MROH9: variants seen among roughly 807,000 people sequenced by gnomAD.
MROH9 encodes maestro heat-like repeat-containing protein family member 9.
Under a neutral mutation model 98.2 loss-of-function variants are expected in MROH9, and 92 were observed. The ratio of observed to expected loss-of-function variants is 0.94; its 90% CI spans 0.79 to 1.11. MROH9 has a LOEUF of 1.11. Ranked by LOEUF, MROH9 falls within the 50% of genes most tolerant of loss-of-function variation. The probability of loss-of-function intolerance (pLI) is 0.00; values close to 1 mark genes in which losing one functional copy is unlikely to be tolerated. For missense variants in MROH9, 1,057 were observed against 1,014.8 expected, an observed-to-expected ratio of 1.04 and a Z score of -0.57; for synonymous variants, 397 against 368.9, an observed-to-expected ratio of 1.08 and a Z score of -0.87.
At chr1:171,035,814 G>T (rs1358950267) in intron 20 of MROH9, among the ~76,000 whole-genome samples, 1 of 152,126 alleles carries the variant, frequency 6.6e-6, no homozygotes, top group Non-Finnish European at 1.5e-5. Flanking sequence ...GTTATATGCT[G>T]TTGGCGGAGA....
intron 12 of MROH9, among the ~76,000 whole-genome samples, chr1:170,992,861 G>GGCTA (rs1358978833): frequency 2.0e-5 from 3 of 152,134 alleles, no homozygotes; most frequent in African/African-American, 7.2e-5. Context: ...AGTAACCACT[G>GGCTA]GCTAGATCAT....
intron 1 of MROH9, among the ~76,000 whole-genome samples, chr1:170,944,127 C>T (rs920357276): frequency 6.6e-6 from 1 of 151,846 alleles, no homozygotes; most frequent in Non-Finnish European, 1.5e-5. Flanking sequence ...AAAGGTTTCA[C>T]TAATAAATCA....
chr1:170,939,183 C>T (rs1040991974), intron 1 of MROH9, among the ~76,000 whole-genome samples: 2 of 152,236 alleles, frequency 1.3e-5, no homozygotes, highest in Non-Finnish European at 2.9e-5. Context: ...CAAATTTCTT[C>T]ATCAATTTTC....
chr1:170,983,578 A>G (rs1199631011), intron 9 of MROH9, 44 bp downstream of exon 9: 3 of 1,106,216 alleles, frequency 2.7e-6, no homozygotes, highest in South Asian at 1.3e-5. Flanking sequence ...GTTTATGTGT[A>G]TGATTACTCT....
intron 3 of MROH9, among the ~76,000 whole-genome samples, chr1:170,956,639 C>T (rs1217194927): frequency 3.2e-5 from 4 of 123,498 alleles, no homozygotes; most frequent in Non-Finnish European, 3.2e-5. Context: ...GTTGAGTTCT[C>T]GATTTGATTC....
chr1:170,951,743 G>A (rs1042166262), intron 3 of MROH9, among the ~76,000 whole-genome samples: 6 of 152,106 alleles, frequency 3.9e-5, no homozygotes, highest in African/African-American at 1.4e-4. Flanking sequence ...TATATTAATA[G>A]CACAGTCCCA....
intron 10 of MROH9, among the ~76,000 whole-genome samples, chr1:170,987,407 A>C (rs1272720422): frequency 6.6e-6 from 1 of 152,206 alleles, no homozygotes; most frequent in African/African-American, 2.4e-5. Context: ...CTCAGTGCAC[A>C]ACGAAATCTG....
At chr1:170,983,348 A>C in intron 8 of MROH9, 74 bp from the exon 9 acceptor site, 1 of 1,051,810 alleles carries the variant, frequency 9.5e-7, no homozygotes, top group South Asian at 1.5e-5. Context: ...GGAAAAGAAA[A>C]TTGGAAATAG....
At chr1:170,951,988 C>A (rs1387054951) in intron 3 of MROH9, among the ~76,000 whole-genome samples, 2 of 150,902 alleles carry the variant, frequency 1.3e-5, no homozygotes, top group African/African-American at 4.8e-5. Flanking sequence ...AGCCAAAAGA[C>A]ACATGAAAAA....
chr1:171,062,293 CA>C lies in MROH9; in HGVS notation c.2344+100del. ...TATGAGTTCTGTTAGAGTGCCAGGC[CA>C]GACAGGAAGAGGGTGGTGGTAGTAG... On this transcript the variant is annotated intron_variant, in intron 21 of 21. Coordinates refer to ENST00000367759, the MANE Select transcript of MROH9 (RefSeq NM_001163629.2). 5 of 796,544 alleles carry C rather than the reference CA, an allele frequency of 6.3e-6. No individual in the cohort carries two copies. The South Asian group carries it at 6.8e-5, about 11-fold the overall frequency. The allele number at this position is 796,544 out of a possible 1,614,324, so 49.3% of individuals were successfully genotyped here.
chr1:171,033,651 T>G (rs1178337688), intron 20 of MROH9, among the ~76,000 whole-genome samples: 1 of 152,216 alleles, frequency 6.6e-6, no homozygotes, highest in East Asian at 1.9e-4. Context: ...ATGCTTATTA[T>G]GTTTTTGTTT....
chr1:170,972,811 CAA>C (rs141109310), intron 8 of MROH9, among the ~76,000 whole-genome samples: 52,674 of 112,316 alleles, frequency 0.47, 11,739 homozygotes, highest in Admixed American at 0.53. Context: ...GACTCCGCCT[CAA>C]AAAAAAAAAA....
chr1:170,991,270 A>C (rs1413218068), intron 11 of MROH9, among the ~76,000 whole-genome samples: 1 of 152,086 alleles, frequency 6.6e-6, no homozygotes, highest in Non-Finnish European at 1.5e-5. Context: ...CCAAAGAAAC[A>C]CATGGAACAT....
In MROH9 at chr1:171,025,372, C is replaced by T; in HGVS notation, c.2233C>T (p.Leu745=). 1 of 1,550,182 alleles carries T rather than the reference C, an allele frequency of 6.5e-7. No individual in the cohort carries two copies. The highest frequency in any genetic ancestry group is 8.7e-7 in the Non-Finnish European group (1 of 1,145,840). ...TTTGACATCTGATACCTTACGATTCCTGTGGAGCCCCAGAACATATCTTAA... is the reference window on the plus strand; with the variant it reads ...TTTGACATCTGATACCTTACGATTCTTGTGGAGCCCCAGAACATATCTTAA... The part of the protein sequence containing the change: ...TDLTSDTLRF[L]WSPRTYLKRA... The change falls in exon 20 of 22, where the codon CTG becomes TTG. Residue 745 remains leucine (L), a synonymous_variant. Coordinates refer to ENST00000367759, the MANE Select transcript of MROH9 (RefSeq NM_001163629.2).
intron 20 of MROH9, among the ~76,000 whole-genome samples, chr1:171,035,437 T>TA (rs1409879848): frequency 6.6e-6 from 1 of 151,684 alleles, no homozygotes; most frequent in Non-Finnish European, 1.5e-5. Context: ...TTTTAAAATA[T>TA]AAAAAAATAA....
intron 8 of MROH9, among the ~76,000 whole-genome samples, chr1:170,979,193 A>T (rs1207511246): frequency 6.6e-6 from 1 of 152,222 alleles, no homozygotes; most frequent in African/African-American, 2.4e-5. Flanking sequence ...TGTGATAATC[A>T]CTTTATTGCA....
At chr1:170,999,072 C>A (rs894821280) in intron 15 of MROH9, among the ~76,000 whole-genome samples, 1 of 152,052 alleles carries the variant, frequency 6.6e-6, no homozygotes, top group Non-Finnish European at 1.5e-5. Flanking sequence ...AATTTTACTG[C>A]GTGACTCATT....
At chr1:170,970,173 C>A (rs1021593928) in intron 7 of MROH9, among the ~76,000 whole-genome samples, 1 of 152,174 alleles carries the variant, frequency 6.6e-6, no homozygotes, top group Admixed American at 6.5e-5. Context: ...ACACATCTAA[C>A]AAGCTCCTGA....
chr1:170,961,684 TA>T (rs1316611146), intron 5 of MROH9, among the ~76,000 whole-genome samples: 4 of 152,224 alleles, frequency 2.6e-5, no homozygotes, highest in Non-Finnish European at 4.4e-5. Context: ...TTTCTTTGTA[TA>T]TTTTTTAATA....
Sources: gnomAD v4.1 joint callset for allele counts (sites outside exome capture counted in the v4.1 genomes callset) on GRCh38, gnomAD v4.1.1 for gene constraint, MANE v1.5 for transcripts, NCBI Gene and HGNC (gene_info 2026-07-23, HGNC 2026-07-21) for gene names.